Variants in ASH2L observed in about 807,000 individuals in gnomAD.
The protein encoded by ASH2L is ASH2 like, histone lysine methyltransferase complex subunit, also known as set1/Ash2 histone methyltransferase complex subunit ASH2.
Under a neutral mutation model 81.1 loss-of-function variants are expected in ASH2L, and 30 were observed. That is an observed-to-expected ratio of 0.37 (90% confidence interval 0.28 to 0.50). The LOEUF (loss-of-function observed/expected upper bound fraction) is 0.50, where lower values mean the gene tolerates loss of function less well. Ranked by LOEUF, ASH2L falls within the 20% of genes least tolerant of loss-of-function variation. The pLI is 0.95. For missense variants in ASH2L, 559 were observed against 792.1 expected, an observed-to-expected ratio of 0.71 and a Z score of 3.53; for synonymous variants, 273 against 279.9, an observed-to-expected ratio of 0.98 and a Z score of 0.24.
At chr8:38,114,076 A>T in intron 5 of ASH2L, 116 bp from the exon 6 acceptor site, 2 of 642,682 alleles carry the variant, frequency 3.1e-6, no homozygotes, top group East Asian at 6.0e-5. Flanking sequence ...GGGGGGAAAA[A>T]CTAACATGGA....
At chr8:38,129,830 T>G (rs1801985037) in intron 12 of ASH2L, among the ~76,000 whole-genome samples, 1 of 152,184 alleles carries the variant, frequency 6.6e-6, no homozygotes, top group South Asian at 2.1e-4. Context: ...AGTACTCCAT[T>G]GCATGAATGT....
intron 3 of ASH2L, among the ~76,000 whole-genome samples, chr8:38,107,544 A>G (rs940617975): frequency 6.6e-6 from 1 of 152,156 alleles, no homozygotes; most frequent in Non-Finnish European, 1.5e-5. Context: ...ATTTGAGATG[A>G]CCCATGCTCT....
chr8:38,131,691 G>A (rs73603001), intron 12 of ASH2L, among the ~76,000 whole-genome samples: 2 of 152,204 alleles, frequency 1.3e-5, no homozygotes, highest in African/African-American at 2.4e-5. Context: ...ATGTCCACAC[G>A]ACAGAATACT....
At position 38,128,133 on chromosome 8, in the gene ASH2L, C is replaced by G. The variant is rs1359929559; in HGVS notation, c.1166-158C>G. Among the ~76,000 whole-genome samples, 4 of 152,142 alleles carry G rather than the reference C, an allele frequency of 2.6e-5. No individual in the cohort carries two copies. The South Asian group carries it at 8.3e-4, about 31-fold the overall frequency. Reference sequence around the variant, plus strand: ...TTGCTTTCTCATTCCTTGCCAGTATCTTATGCTGAGATTTTTAAACTCCTC... The same window carrying G: ...TTGCTTTCTCATTCCTTGCCAGTATGTTATGCTGAGATTTTTAAACTCCTC... On this transcript the variant is annotated intron_variant, in intron 10 of 15. Transcript: ENST00000343823.
chr8:38,117,498 C>T (rs1422172551), intron 8 of ASH2L: 1 of 984,658 alleles, frequency 1.0e-6, no homozygotes, highest in Non-Finnish European at 1.2e-6. Context: ...TTCTTTCAGC[C>T]TCTCAGACTT....
chr8:38,112,842 A>C (rs1338957951), intron 5 of ASH2L, among the ~76,000 whole-genome samples: 1 of 152,176 alleles, frequency 6.6e-6, no homozygotes, highest in Non-Finnish European at 1.5e-5. Flanking sequence ...GTAGTTGTAA[A>C]TCAGAATACA....
intron 8 of ASH2L, among the ~76,000 whole-genome samples, chr8:38,118,719 G>T (rs1342195408): frequency 6.6e-6 from 1 of 152,144 alleles, no homozygotes; most frequent in Non-Finnish European, 1.5e-5. Flanking sequence ...TTCTGTTTCC[G>T]TTTTCCATGT....
chr8:38,128,602 C>T (rs1042661368), intron 11 of ASH2L, 144 bp downstream of exon 11: 31 of 1,451,350 alleles, frequency 2.1e-5, no homozygotes, highest in African/African-American at 1.7e-4. Flanking sequence ...TTGCTATTCC[C>T]GGGATATTTT....
At chr8:38,125,311 T>C (rs191489354) in intron 10 of ASH2L, among the ~76,000 whole-genome samples, 1 of 152,318 alleles carries the variant, frequency 6.6e-6, no homozygotes, top group East Asian at 1.9e-4. Flanking sequence ...CTAAAAACTA[T>C]GCATCTCTTT....
chr8:38,138,750 C>A, intron 14 of ASH2L, 66 bp from the exon 15 acceptor site: 4 of 1,432,936 alleles, frequency 2.8e-6, no homozygotes, highest in South Asian at 1.2e-5. Flanking sequence ...TTTCCTGTGT[C>A]AAATTAACTT....
chr8:38,119,694 A>T (rs1433242827), intron 9 of ASH2L, among the ~76,000 whole-genome samples: 2 of 152,084 alleles, frequency 1.3e-5, no homozygotes, highest in African/African-American at 2.4e-5. Flanking sequence ...AATCCCAGCT[A>T]CTTGGGAGGC....
chr8:38,110,746 G>A lies in ASH2L; in HGVS notation c.498G>A (p.Lys166=), dbSNP rs1488973701. 1 of 1,613,438 alleles carries A rather than the reference G, an allele frequency of 6.2e-7. No homozygotes were observed. The highest frequency in any genetic ancestry group is 8.5e-7 in the Non-Finnish European group (1 of 1,179,654). The change falls in exon 5 of 16, where the codon AAG becomes AAA. Residue 166 remains lysine (K), a synonymous_variant. Coordinates refer to ENST00000343823, the MANE Select transcript of ASH2L (RefSeq NM_004674.5). ...CCTTTTTGTTTTTGATAGACTTGAA[G>A]GAAATGTGCCTTAGTGCTTTGGCCA... ...TYFLRKQANL[K]EMCLSALANL... is the part of the protein sequence containing the mutation.
At chr8:38,134,851 T>C (rs1226077442) in intron 13 of ASH2L, among the ~76,000 whole-genome samples, 4 of 152,060 alleles carry the variant, frequency 2.6e-5, no homozygotes, top group Non-Finnish European at 5.9e-5. Flanking sequence ...TTCTGAAGAA[T>C]TGAAGTGGTC....
At chr8:38,127,322 TAAA>T (rs78451289) in intron 10 of ASH2L, among the ~76,000 whole-genome samples, 2 of 133,850 alleles carry the variant, frequency 1.5e-5, no homozygotes, top group Non-Finnish European at 3.3e-5. Flanking sequence ...CCCTGGCTCT[TAAA>T]AAAAAAAAAA....
Position 38,133,540 on chromosome 8 carries a change from T to C in ASH2L, c.1614T>C (p.His538=), listed in dbSNP as rs760922908. ...AGAAGAGCCTGAAGCAGACTCCCCA[T>C]AGTGAGGTGAGTCATGGCCATAAGA... ...KAEKSLKQTP[H]SEIIFYKNGV... is the part of the protein sequence containing the mutation. The change falls in exon 13 of 16, where the codon CAT becomes CAC. Residue 538 remains histidine, a synonymous_variant. Transcript: ENST00000343823. 18 of 1,605,530 alleles carry C rather than the reference T, an allele frequency of 1.1e-5. No individual in the cohort carries two copies. Among genetic ancestry groups the C allele is most frequent in the Non-Finnish European group, 8.5e-6 (10 of 1,175,992 alleles).
chr8:38,133,026 G>T (rs560446138), intron 12 of ASH2L, among the ~76,000 whole-genome samples: 1 of 151,936 alleles, frequency 6.6e-6, no homozygotes, highest in East Asian at 1.9e-4. Context: ...GGCGGAGGTT[G>T]CAGTGAGAAG....
At chr8:38,111,221 G>T (rs565776530) in intron 5 of ASH2L, among the ~76,000 whole-genome samples, 3 of 152,120 alleles carry the variant, frequency 2.0e-5, no homozygotes, top group African/African-American at 7.2e-5. Context: ...GTGAGCCACC[G>T]CACCTGGACT....
Position 38,120,944 on chromosome 8 carries a change from T to C in ASH2L, c.960T>C (p.Phe320=). ...TTCCTTTCTGCAGTGACCCTTTGTTTTCTGCTCAGCGCCTTCCCCCTCATG... is the reference window on the plus strand; with the variant it reads ...TTCCTTTCTGCAGTGACCCTTTGTTCTCTGCTCAGCGCCTTCCCCCTCATG... ...TTKKARSDPL[F]SAQRLPPHGY... is the part of the protein sequence containing the mutation. Residue 320 remains phenylalanine, a synonymous_variant, in exon 10 of 16, where the codon TTT becomes TTC. Transcript: ENST00000343823. 6.2e-7 allele frequency: 1 copy of C among 1,613,352 alleles called. No individual in the cohort carries two copies.
At chr8:38,132,757 C>G (rs1219813811) in intron 12 of ASH2L, among the ~76,000 whole-genome samples, 1 of 150,718 alleles carries the variant, frequency 6.6e-6, no homozygotes, top group Non-Finnish European at 1.5e-5. Context: ...CAAGATCACA[C>G]CACTGCATTC....
Sources: allele counts gnomAD v4.1 joint callset (sites outside exome capture counted in the v4.1 genomes callset), GRCh38; gene constraint gnomAD v4.1.1; transcripts MANE v1.5; gene names NCBI Gene and HGNC (gene_info 2026-07-23, HGNC 2026-07-21).